The following DSCAML1 variants were observed in gnomAD, a reference collection of about 807,000 sequenced individuals.
DSCAML1 encodes DS cell adhesion molecule like 1, also known as cell adhesion molecule DSCAML1.
In DSCAML1, 38 loss-of-function variants were observed where a neutral mutation model predicts 200.5. That is an observed-to-expected ratio of 0.19 (90% CI 0.15 to 0.25). The LOEUF (loss-of-function observed/expected upper bound fraction) is 0.25, where lower values mean the gene tolerates loss of function less well. Among genes scored for constraint, DSCAML1 ranks in the 10% least tolerant of loss-of-function variants. The pLI is 1.00. For missense variants in DSCAML1, 2,223 were observed against 2,858.8 expected (o/e 0.78, Z 5.07); for synonymous variants, 1,215 against 1,165.0 (o/e 1.04, Z -0.87).
At chr11:117,763,018 T>G (rs936413574) in intron 3 of DSCAML1, among the ~76,000 whole-genome samples, 19 of 152,332 alleles carry the variant, frequency 1.2e-4, no homozygotes, top group African/African-American at 4.1e-4. Flanking sequence ...GCTTAAACTC[T>G]GGGTATGCCA....
At chr11:117,701,991 TAC>T (rs943396984) in intron 3 of DSCAML1, among the ~76,000 whole-genome samples, 2 of 152,160 alleles carry the variant, frequency 1.3e-5, no homozygotes, top group African/African-American at 4.8e-5. Flanking sequence ...TCCCTCCAGT[TAC>T]ACAGTCCCGT....
Position 117,516,759 on chromosome 11 carries a change from G to C in DSCAML1, c.1511-20C>G. ...GTGGGCCTGGGCAGGAGTCAGAAGA[G>C]AGGAGGAGGAGGAGAAGGGCATGTG... On this transcript the variant is annotated intron_variant, in intron 7 of 32. Coordinates refer to ENST00000651296, the MANE Select transcript of DSCAML1 (RefSeq NM_020693.4). The surrounding 1 kb of genome is among the most constrained non-coding windows in gnomAD (Gnocchi z 5.7). The C allele has an allele frequency of 1.3e-6, 2 of 1,582,286 alleles. No homozygotes were observed. Among genetic ancestry groups the C allele is most frequent in the Non-Finnish European group, 1.7e-6 (2 of 1,162,054 alleles).
intron 8 of DSCAML1, among the ~76,000 whole-genome samples, chr11:117,512,882 C>T (rs764204334): frequency 2.5e-4 from 38 of 152,052 alleles, no homozygotes; most frequent in Non-Finnish European, 4.6e-4. Flanking sequence ...ACAGGCCCAG[C>T]GAGTCGCCGA....
In DSCAML1 at chr11:117,498,498, C is replaced by A. The variant is rs1430039997; in HGVS notation, c.2359+5347G>T. 6.6e-6 allele frequency among the ~76,000 whole-genome samples: 1 copy of A among 152,154 alleles called. No homozygotes were observed. The highest frequency in any genetic ancestry group is 1.5e-5 in the Non-Finnish European group (1 of 68,024). ...TTTCTCAGGCTCATAGACTCCTTGC[C>A]CTGTGGAAGGGGTGGGGGCCCCAGT... is the stretch of plus-strand genomic sequence containing the variant. On this transcript the variant is annotated intron_variant, in intron 11 of 32. Coordinates refer to ENST00000651296, the MANE Select transcript of DSCAML1 (RefSeq NM_020693.4). This position sits in a 1 kb window ranked among gnomAD's most constrained non-coding sequence, Gnocchi z 4.0.
intron 11 of DSCAML1, among the ~76,000 whole-genome samples, chr11:117,491,767 CTG>C (rs949769924): frequency 1.3e-5 from 2 of 152,150 alleles, no homozygotes; most frequent in African/African-American, 4.8e-5. Flanking sequence ...GAGTGAGACT[CTG>C]TGTCAATAAA....
chr11:117,805,844 A>C (rs1220255203), intron 1 of DSCAML1, among the ~76,000 whole-genome samples: 2 of 152,220 alleles, frequency 1.3e-5, no homozygotes, highest in Non-Finnish European at 2.9e-5. Flanking sequence ...TTTAAAGAGC[A>C]ACACAGGGAA....
At chr11:117,674,021 A>C (rs999532960) in intron 3 of DSCAML1, among the ~76,000 whole-genome samples, 2 of 152,222 alleles carry the variant, frequency 1.3e-5, no homozygotes, top group Admixed American at 1.3e-4. Context: ...CTCGAGGCTC[A>C]TTCCTGTGGT....
intron 6 of DSCAML1, 27 bp downstream of exon 6, chr11:117,521,103 C>T (rs1381488238): frequency 6.2e-7 from 1 of 1,605,198 alleles, no homozygotes; most frequent in African/African-American, 1.3e-5. Flanking sequence ...CTGAACCCGC[C>T]CCCTGTGTCC....
chr11:117,620,923 G>A (rs1470486246), intron 3 of DSCAML1, among the ~76,000 whole-genome samples: 1 of 152,216 alleles, frequency 6.6e-6, no homozygotes, highest in Non-Finnish European at 1.5e-5. Context: ...GGTAATGCAT[G>A]TAAAAGTGCT....
At chr11:117,528,891 G>T (rs7126500) in intron 4 of DSCAML1, among the ~76,000 whole-genome samples, 38,118 of 151,740 alleles carry the variant, frequency 0.25, 4,952 homozygotes, top group Non-Finnish European at 0.28. Flanking sequence ...AACTGCCTCT[G>T]CAACTTGGAA....
At chr11:117,473,553 G>A (rs2048729174) in intron 14 of DSCAML1, among the ~76,000 whole-genome samples, 1 of 152,128 alleles carries the variant, frequency 6.6e-6, no homozygotes, top group Admixed American at 6.6e-5. Flanking sequence ...TGATAAATCA[G>A]GAGAATTGGT....
At chr11:117,673,420 T>A (rs2053150416) in intron 3 of DSCAML1, among the ~76,000 whole-genome samples, 1 of 152,186 alleles carries the variant, frequency 6.6e-6, no homozygotes, top group Non-Finnish European at 1.5e-5. Context: ...TCCTGCCCAT[T>A]TCTTCCCATC....
chr11:117,706,528 C>G (rs185462836), intron 3 of DSCAML1, among the ~76,000 whole-genome samples: 149 of 152,292 alleles, frequency 9.8e-4, no homozygotes, highest in African/African-American at 3.3e-3. Flanking sequence ...TACAGTGAAT[C>G]CCTTTATCAC....
intron 22 of DSCAML1, 95 bp downstream of exon 22, chr11:117,439,724 C>G: frequency 8.1e-7 from 1 of 1,228,318 alleles, no homozygotes; most frequent in African/African-American, 1.5e-5. Context: ...GCAACCGGGT[C>G]ACCAGGCAGG....
chr11:117,436,862 A>G (rs2047927878), intron 26 of DSCAML1, among the ~76,000 whole-genome samples: 1 of 152,146 alleles, frequency 6.6e-6, no homozygotes, highest in Non-Finnish European at 1.5e-5. Flanking sequence ...GCAGCTTCAA[A>G]GACTCTCCAT....
Position 117,525,015 on chromosome 11 carries a change from C to G in DSCAML1, c.727G>C (p.Val243Leu), listed in dbSNP as rs763667310. ...CCCGAGGCGGTGCAGGGCAGCTCCACGGTGTGGCCGGCCCACACTTCCTGG... is the reference window on the plus strand; with the variant it reads ...CCCGAGGCGGTGCAGGGCAGCTCCAGGGTGTGGCCGGCCCACACTTCCTGG... ...HSQEVWAGHT[V>L]ELPCTASGYP... Residue 243 changes from valine to leucine, a missense_variant, in exon 5 of 33, where the codon GTG becomes CTG. Val to Leu is a conservative substitution (Grantham distance 32). Around this residue, in one of 7 missense-constraint regions of DSCAML1, gnomAD observed 579 missense variants for 721.5 expected, o/e 0.80. Transcript: ENST00000651296. 1.2e-6 allele frequency: 2 copies of G among 1,604,246 alleles called. No homozygotes were observed. Among genetic ancestry groups the G allele is most frequent in the African/African-American group, 1.3e-5 (1 of 74,702 alleles).
At chr11:117,649,014 CCTCTCGCTCTCT>C (rs1441995335) in intron 3 of DSCAML1, among the ~76,000 whole-genome samples, 18 of 143,188 alleles carry the variant, frequency 1.3e-4, no homozygotes, top group Middle Eastern at 3.6e-3. Flanking sequence ...TCTCTCTCTC[CCTCTCGCTCTCT>C]CTCTCTCCAT....
intron 16 of DSCAML1, among the ~76,000 whole-genome samples, chr11:117,467,193 A>ACACCCCCCCCCCCCCCCCCCCCCC (rs1555172719): frequency 9.1e-6 from 1 of 109,516 alleles, no homozygotes; most frequent in Admixed American, 1.0e-4. Flanking sequence ...GTGCACACAC[A>ACACCCCCCCCCCCCCCCCCCCCCC]CCTCCCCCCT....
In DSCAML1 at chr11:117,455,173, G is replaced by A. The variant is rs11606141; in HGVS notation, c.3568+3581C>T. ...TGTCCATATTTCCTAGCTGTCCTCC[G>A]CAAGAAGAGTGAGTTTCAGTCACCC... On this transcript the variant is annotated intron_variant, in intron 19 of 32. Transcript: ENST00000651296. 7.5e-3 allele frequency among the ~76,000 whole-genome samples: 1,136 copies of A among 152,274 alleles called. 13 individuals carry two copies. The highest frequency in any genetic ancestry group is 0.025 in the African/African-American group (1,059 of 41,548).
Sources: gnomAD v4.1 joint callset for allele counts (sites outside exome capture counted in the v4.1 genomes callset) on GRCh38, gnomAD v4.1.1 for gene constraint, gnomAD v4.1.1 regional missense constraint, Gnocchi (gnomAD v3.1) non-coding constraint, MANE v1.5 for transcripts, NCBI Gene and HGNC (gene_info 2026-07-23, HGNC 2026-07-21) for gene names.